Variants in USP40 observed in about 807,000 individuals in gnomAD.
The protein encoded by USP40 is ubiquitin specific peptidase 40, also known as ubiquitin carboxyl-terminal hydrolase 40.
A neutral mutation model predicts 166.2 loss-of-function variants in USP40; 143 were observed. That is an observed-to-expected ratio of 0.86 (90% CI 0.75 to 0.99). The LOEUF is 0.99. Ranked by LOEUF, USP40 falls within the 50% of genes least tolerant of loss-of-function variation. The pLI is 0.00. For synonymous variants in USP40, 498 were observed against 524.0 expected, an observed-to-expected ratio of 0.95 and a Z score of 0.68; for missense variants, 1,444 against 1,479.7, an observed-to-expected ratio of 0.98 and a Z score of 0.40.
At chr2:233,516,371 C>T (rs915184922) in intron 18 of USP40, among the ~76,000 whole-genome samples, 4 of 152,118 alleles carry the variant, frequency 2.6e-5, no homozygotes, top group Admixed American at 1.3e-4. Context: ...TAAATCTACA[C>T]ATCAAATGGG....
intron 16 of USP40, 65 bp from the exon 17 acceptor site, chr2:233,521,179 C>T (rs2067625595): frequency 7.9e-6 from 12 of 1,527,922 alleles, no homozygotes; most frequent in African/African-American, 1.4e-5. Flanking sequence ...CAAAACTCTG[C>T]ATGTGTCACT....
chr2:233,527,271 C>T (rs1033884679), intron 13 of USP40, 136 bp downstream of exon 13: 15 of 991,340 alleles, frequency 1.5e-5, no homozygotes, highest in Middle Eastern at 3.3e-4. Flanking sequence ...TGGGTCAACC[C>T]TCTATGAAGT....
At chr2:233,512,465 G>T in intron 19 of USP40, 104 bp downstream of exon 19, 1 of 644,816 alleles carries the variant, frequency 1.6e-6, no homozygotes, top group Non-Finnish European at 2.4e-6. Flanking sequence ...CTATAAATCA[G>T]TTTCCAAAAG....
At chr2:233,552,842 TG>T (rs1272585316) in intron 6 of USP40, among the ~76,000 whole-genome samples, 2 of 152,254 alleles carry the variant, frequency 1.3e-5, no homozygotes, top group Non-Finnish European at 2.9e-5. Context: ...TTTTATTTGC[TG>T]GAAAAATTCA....
chr2:233,528,001 C>CA (rs2068178587), intron 12 of USP40, among the ~76,000 whole-genome samples: 1 of 143,640 alleles, frequency 7.0e-6, no homozygotes, highest in Non-Finnish European at 1.5e-5. Context: ...TTTTTTGAGA[C>CA]AGAGTCTCAC....
Position 233,566,685 on chromosome 2 carries a change from G to A in USP40, c.-21C>T, listed in dbSNP as rs377522114. 300 of 986,110 alleles carry A rather than the reference G, an allele frequency of 3.0e-4. 2 individuals carry two copies. In the African/African-American group the frequency reaches 4.2e-3, roughly 14 times the overall value. The allele number at this position is 986,110 out of a possible 1,614,324, so 61.1% of individuals were successfully genotyped here. A position where few individuals can be genotyped will look rare whatever the true frequency, so the allele number is the denominator to read the frequency against. Reference sequence around the variant, plus strand: ...TCCCCGGGCGCCAGCCGCACTTACTGCCTAAAGCCCAGACCCCCGCCCTGG... The same window carrying A: ...TCCCCGGGCGCCAGCCGCACTTACTACCTAAAGCCCAGACCCCCGCCCTGG... On this transcript the variant is annotated splice_region_variant and 5_prime_UTR_variant, in exon 1 of 32. Coordinates refer to ENST00000678225, the MANE Select transcript of USP40 (RefSeq NM_001365479.2).
At chr2:233,489,319 C>A (rs181815448) in intron 27 of USP40, 46 bp downstream of exon 27, 1 of 1,504,934 alleles carries the variant, frequency 6.6e-7, no homozygotes. Flanking sequence ...CCAGCCAGTG[C>A]GTCAGCAGCA....
intron 18 of USP40, among the ~76,000 whole-genome samples, chr2:233,517,179 G>A (rs1473426165): frequency 6.6e-6 from 1 of 152,166 alleles, no homozygotes; most frequent in African/African-American, 2.4e-5. Flanking sequence ...GAATGGCCAT[G>A]TTGGTGTGGA....
Position 233,523,316 on chromosome 2 carries a change from T to C in USP40, c.2055A>G (p.Ala685=). ...CAGCACTGTTGATGAAGATGACACC[T>C]GCTGGGATTGCTAAGGCTGTGAGGA... The part of the protein sequence containing the change: ...GTVLTALAIP[A]GVIFINSAGC... Residue 685 remains alanine, a synonymous_variant, in exon 16 of 32, where the codon GCA becomes GCG. Transcript: ENST00000678225. The C allele has an allele frequency of 6.2e-7, 1 of 1,614,044 alleles. No individual in the cohort carries two copies. The highest frequency in any genetic ancestry group is 2.2e-5 in the East Asian group (1 of 44,884).
chr2:233,488,949 A>G (rs911420190), intron 27 of USP40, among the ~76,000 whole-genome samples: 3 of 152,088 alleles, frequency 2.0e-5, no homozygotes, highest in Non-Finnish European at 4.4e-5. Context: ...GAAAGAAAAG[A>G]AAGAAACGAG....
At chr2:233,505,230 A>G (rs570559205) in intron 21 of USP40, among the ~76,000 whole-genome samples, 1 of 152,218 alleles carries the variant, frequency 6.6e-6, no homozygotes, top group African/African-American at 2.4e-5. Flanking sequence ...AGATGCCTAG[A>G]TCAAAAATGA....
intron 9 of USP40, among the ~76,000 whole-genome samples, chr2:233,541,948 A>G (rs1400631790): frequency 6.6e-6 from 1 of 152,222 alleles, no homozygotes; most frequent in Non-Finnish European, 1.5e-5. Context: ...AACATAAAGA[A>G]AACAGAATGC....
At position 233,495,493 on chromosome 2, in the gene USP40, G is replaced by A. The variant is rs77253250; in HGVS notation, c.2790+1265C>T. ...GCTGGTCTTGAATTCCTGAGCTCAAGCGATTTGCCTGCATTGGCCTCCTAA... is the reference window on the plus strand; with the variant it reads ...GCTGGTCTTGAATTCCTGAGCTCAAACGATTTGCCTGCATTGGCCTCCTAA... On this transcript the variant is annotated intron_variant, in intron 24 of 31. Coordinates refer to ENST00000678225, the MANE Select transcript of USP40 (RefSeq NM_001365479.2). Among the ~76,000 whole-genome samples the A allele has an allele frequency of 7.5e-3, 1,147 of 152,054 alleles. 12 individuals carry two copies. Among genetic ancestry groups the A allele is most frequent in the African/African-American group, 0.024 (1,008 of 41,470 alleles).
chr2:233,510,739 CTG>C (rs2066769003), intron 20 of USP40, among the ~76,000 whole-genome samples: 2 of 152,078 alleles, frequency 1.3e-5, no homozygotes, highest in African/African-American at 4.8e-5. Context: ...ATCTCCATCT[CTG>C]TCTCGATCAC....
chr2:233,486,005 A>T lies in USP40; in HGVS notation c.3198-28T>A, dbSNP rs1298733720. 2.6e-6 allele frequency: 4 copies of T among 1,542,372 alleles called. No individual in the cohort carries two copies. Among genetic ancestry groups the T allele is most frequent in the Non-Finnish European group, 2.6e-6 (3 of 1,147,994 alleles). On this transcript the variant is annotated intron_variant, in intron 28 of 31. Coordinates refer to ENST00000678225, the MANE Select transcript of USP40 (RefSeq NM_001365479.2). This position sits in a 1 kb window ranked among gnomAD's most constrained non-coding sequence, Gnocchi z 4.0. ...GTACCAGAAAACCGTCAAGCGCCAG[A>T]TCCAAACAAACAAACAAAACCACGT...
At chr2:233,548,354 T>C (rs1294851639) in intron 8 of USP40, among the ~76,000 whole-genome samples, 1 of 152,330 alleles carries the variant, frequency 6.6e-6, no homozygotes, top group African/African-American at 2.4e-5. Context: ...ACGGGATTTA[T>C]TGTTTTTATC....
chr2:233,542,487 G>A (rs1190372209), intron 8 of USP40, 124 bp from the exon 9 acceptor site: 1 of 585,238 alleles, frequency 1.7e-6, no homozygotes, highest in Non-Finnish European at 3.0e-6. Context: ...GAGGCAGAGG[G>A]ACTGCTTGAG....
intron 20 of USP40, among the ~76,000 whole-genome samples, chr2:233,510,388 CTTT>C (rs2066725331): frequency 1.3e-5 from 1 of 79,276 alleles, no homozygotes; most frequent in African/African-American, 5.6e-5. Flanking sequence ...ACTTCTTTTT[CTTT>C]CTTTTTTTTT....
At chr2:233,497,027 G>A (rs182754699) in intron 23 of USP40, among the ~76,000 whole-genome samples, 195 bp from the exon 24 acceptor site, 1 of 152,212 alleles carries the variant, frequency 6.6e-6, no homozygotes, top group Non-Finnish European at 1.5e-5. Flanking sequence ...GGCATAAGCT[G>A]TAAGTCTGAC....
Sources: gnomAD v4.1 joint callset for allele counts (sites outside exome capture counted in the v4.1 genomes callset) on GRCh38, gnomAD v4.1.1 for gene constraint, Gnocchi (gnomAD v3.1) non-coding constraint, MANE v1.5 for transcripts, NCBI Gene and HGNC (gene_info 2026-07-23, HGNC 2026-07-21) for gene names.